Variants in LEUTX observed in about 807,000 individuals in gnomAD.
The protein encoded by LEUTX is leucine twenty homeobox, also known as paired-like homeodomain transcription factor LEUTX.
In LEUTX, 5 loss-of-function variants were observed where a neutral mutation model predicts 4.5. The observed-to-expected ratio is 1.11, with a 90% confidence interval of 0.58 to 2.34. The LOEUF (loss-of-function observed/expected upper bound fraction) is 2.34. Among genes scored for constraint, LEUTX ranks in the 30% most tolerant of loss-of-function variants. LEUTX has a pLI of 0.01. For missense variants in LEUTX, 233 were observed against 239.4 expected, an observed-to-expected ratio of 0.97 and a Z score of 0.18; for synonymous variants, 89 against 85.1, an observed-to-expected ratio of 1.05 and a Z score of -0.25.
chr19:39,777,858 C>T (rs551571311), upstream of LEUTX, among the ~76,000 whole-genome samples: 1 of 152,326 alleles, frequency 6.6e-6, no homozygotes, highest in African/African-American at 2.4e-5. Flanking sequence ...ATTTGGCCTT[C>T]AGGCTACCTG....
At chr19:39,776,559 T>C (rs1348570516), upstream of LEUTX, 2 of 455,446 alleles carry the variant, frequency 4.4e-6, no homozygotes, top group Non-Finnish European at 8.8e-6. Flanking sequence ...GGGGAGGGTG[T>C]GCTCCAAACA....
chr19:39,776,734 G>A, upstream of LEUTX: 1 of 452,826 alleles, frequency 2.2e-6, no homozygotes, highest in African/African-American at 2.0e-5. Context: ...AGTGAGCTGA[G>A]ACTGGGTGCA....
At chr19:39,781,053 TTC>T (rs1491581937) in intron 1 of LEUTX, among the ~76,000 whole-genome samples, 1 of 152,024 alleles carries the variant, frequency 6.6e-6, no homozygotes, top group Non-Finnish European at 1.5e-5. Context: ...TTTCCTCCTC[TTC>T]TTTCTTTTTC....
intron 1 of LEUTX, among the ~76,000 whole-genome samples, chr19:39,779,202 T>C (rs1967847389): frequency 6.6e-6 from 1 of 152,098 alleles, no homozygotes; most frequent in Non-Finnish European, 1.5e-5. Context: ...TCCTCCCACC[T>C]CACCCTCAGG....
At chr19:39,782,006 C>G (rs1436849630) in intron 1 of LEUTX, among the ~76,000 whole-genome samples, 1 of 152,116 alleles carries the variant, frequency 6.6e-6, no homozygotes, top group African/African-American at 2.4e-5. Context: ...GACATTCATT[C>G]TTAGGTCACT....
chr19:39,782,133 G>A (rs1967895925), intron 1 of LEUTX, among the ~76,000 whole-genome samples: 1 of 152,132 alleles, frequency 6.6e-6, no homozygotes, highest in Non-Finnish European at 1.5e-5. Flanking sequence ...GACCGGTTAG[G>A]ATAATAGGGC....
chr19:39,784,595 T>C lies in LEUTX; in HGVS notation c.76T>C (p.Leu26=), dbSNP rs1967936954. The change falls in exon 2 of 3, where the codon TTG becomes CTG. Residue 26 remains leucine, a synonymous_variant. Transcript: ENST00000638280. ...LSKQLTALRE[L]LEKTMHPSLA... ...CAAACAACTCACAGCATTGAGAGAA[T>C]TGCTTGAAAAGACCATGCACCCAAG... 4 of 1,545,206 alleles carry C rather than the reference T, an allele frequency of 2.6e-6. No individual in the cohort carries two copies. The highest frequency in any genetic ancestry group is 3.5e-6 in the Non-Finnish European group (4 of 1,141,096).
chr19:39,785,635 A>T (rs1306175859), intron 2 of LEUTX, 63 bp from the exon 3 acceptor site: 2 of 1,306,918 alleles, frequency 1.5e-6, no homozygotes, highest in East Asian at 5.0e-5. Context: ...ATTCCTGAGG[A>T]ACATGAGGAT....
chr19:39,781,598 G>C (rs1174198303), intron 1 of LEUTX, among the ~76,000 whole-genome samples: 3 of 152,032 alleles, frequency 2.0e-5, no homozygotes, highest in African/African-American at 7.3e-5. Flanking sequence ...CCTGAGATCT[G>C]GTTGTTTAAA....
upstream of LEUTX, among the ~76,000 whole-genome samples, chr19:39,777,486 G>A (rs1055535606): frequency 2.0e-5 from 3 of 152,170 alleles, no homozygotes; most frequent in African/African-American, 4.8e-5. Context: ...CTATTGGGGA[G>A]GTCATACCCT....
At chr19:39,784,442 C>T in intron 1 of LEUTX, 85 bp from the exon 2 acceptor site, 1 of 644,648 alleles carries the variant, frequency 1.6e-6, no homozygotes. Context: ...ATTCTTTTGT[C>T]CCACAGGTGT....
At chr19:39,780,435 T>C (rs1967868655) in intron 1 of LEUTX, among the ~76,000 whole-genome samples, 2 of 152,224 alleles carry the variant, frequency 1.3e-5, no homozygotes, top group South Asian at 2.1e-4. Context: ...ACGATCCTTT[T>C]GTTCATTTAT....
At chr19:39,783,905 A>T (rs1464414038) in intron 1 of LEUTX, among the ~76,000 whole-genome samples, 2 of 152,030 alleles carry the variant, frequency 1.3e-5, no homozygotes, top group Non-Finnish European at 2.9e-5. Flanking sequence ...AAATGTATAG[A>T]TTGTGAAGAT....
intron 1 of LEUTX, among the ~76,000 whole-genome samples, chr19:39,780,026 A>G (rs1423912709): frequency 6.6e-6 from 1 of 152,202 alleles, no homozygotes; most frequent in Non-Finnish European, 1.5e-5. Context: ...AAACAAAAAA[A>G]GTGTATTTCT....
chr19:39,785,426 G>A (rs1967951278), intron 2 of LEUTX, among the ~76,000 whole-genome samples: 1 of 145,484 alleles, frequency 6.9e-6, no homozygotes, highest in African/African-American at 2.5e-5. Flanking sequence ...TGACAGAGTG[G>A]TAGCTTGTCT....
At position 39,784,624 on chromosome 19, in the gene LEUTX, G is replaced by A; in HGVS notation, c.105G>A (p.Leu35=). 1.9e-6 allele frequency: 3 copies of A among 1,551,456 alleles called. No homozygotes were observed. Among genetic ancestry groups the A allele is most frequent in the Non-Finnish European group, 2.6e-6 (3 of 1,146,826 alleles). ...TTGAAAAGACCATGCACCCAAGTTT[G>A]GCTACAATGGGGAAACTGGCTTCAA... The part of the protein sequence containing the change: ...ELLEKTMHPS[L]ATMGKLASKL... Residue 35 remains leucine, a synonymous_variant, in exon 2 of 3, where the codon TTG becomes TTA. Transcript: ENST00000638280.
rs1046068135 is a variant in LEUTX at position 39,782,046 on chromosome 19, C to T, written c.8-2481C>T. Among the ~76,000 whole-genome samples, 74 of 152,272 alleles carry T rather than the reference C, an allele frequency of 4.9e-4. 1 individual carries two copies. The highest frequency in any genetic ancestry group is 3.9e-3 in the Admixed American group (60 of 15,296). On this transcript the variant is annotated intron_variant, in intron 1 of 2. Transcript: ENST00000638280. ...TTCATATCTCCTTCCCTACAGACCC[C>T]ATTAATAAATGGCCAAACCAATAGC... is the stretch of plus-strand genomic sequence containing the variant.
At chr19:39,782,444 T>G (rs914695460) in intron 1 of LEUTX, among the ~76,000 whole-genome samples, 4 of 152,142 alleles carry the variant, frequency 2.6e-5, no homozygotes, top group Admixed American at 2.0e-4. Context: ...GTGGCTTTGC[T>G]CCTCCTTGCT....
chr19:39,777,520 T>A (rs746454821), upstream of LEUTX, among the ~76,000 whole-genome samples: 2 of 152,178 alleles, frequency 1.3e-5, no homozygotes, highest in Non-Finnish European at 2.9e-5. Context: ...TCTCTTTCCA[T>A]CCTCATTAGT....
Sources: gnomAD v4.1 joint callset for allele counts (sites outside exome capture counted in the v4.1 genomes callset) on GRCh38, gnomAD v4.1.1 for gene constraint, MANE v1.5 for transcripts, NCBI Gene and HGNC (gene_info 2026-07-23, HGNC 2026-07-21) for gene names.